PACRG: variants seen among roughly 807,000 people sequenced by gnomAD.
PACRG encodes parkin coregulated.
Under a neutral mutation model 29.7 loss-of-function variants are expected in PACRG, and 29 were observed. That is an observed-to-expected ratio of 0.98 (90% CI 0.73 to 1.33). The LOEUF is 1.33. Ranked by LOEUF, PACRG falls within the 40% of genes most tolerant of loss-of-function variation. The pLI is 0.00. For synonymous variants in PACRG, 116 were observed against 118.7 expected, an observed-to-expected ratio of 0.98 and a Z score of 0.15; for missense variants, 279 against 316.2, an observed-to-expected ratio of 0.88 and a Z score of 0.89.
At chr6:163,027,873 T>C (rs1013862694) in intron 2 of PACRG, among the ~76,000 whole-genome samples, 7 of 152,206 alleles carry the variant, frequency 4.6e-5, no homozygotes, top group African/African-American at 1.7e-4. Flanking sequence ...TGTTTCTGAT[T>C]GGAGAGCATC....
At chr6:163,312,529 G>A (rs1025357402) in intron 4 of PACRG, among the ~76,000 whole-genome samples, 4 of 92,988 alleles carry the variant, frequency 4.3e-5, no homozygotes, top group Non-Finnish European at 5.1e-5. Flanking sequence ...CGGAGCCACC[G>A]GGCTTCATCT....
chr6:163,155,542 G>C (rs1216132131), intron 4 of PACRG, among the ~76,000 whole-genome samples: 2 of 152,220 alleles, frequency 1.3e-5, no homozygotes, highest in Non-Finnish European at 2.9e-5. Flanking sequence ...ACAAACTACT[G>C]ACCTTTTTGT....
chr6:162,820,013 G>T (rs551742619), intron 2 of PACRG, among the ~76,000 whole-genome samples: 1 of 152,082 alleles, frequency 6.6e-6, no homozygotes, highest in Non-Finnish European at 1.5e-5. Flanking sequence ...GGTCTTGAGG[G>T]GGTTGAACTT....
At chr6:162,870,673 C>T (rs1316710427) in intron 2 of PACRG, among the ~76,000 whole-genome samples, 2 of 152,200 alleles carry the variant, frequency 1.3e-5, no homozygotes, top group African/African-American at 4.8e-5. Flanking sequence ...AGAACATATA[C>T]ATTTCTTCTA....
intron 1 of PACRG, among the ~76,000 whole-genome samples, chr6:162,812,908 T>C (rs974042501): frequency 3.9e-5 from 6 of 152,080 alleles, no homozygotes; most frequent in African/African-American, 1.4e-4. Context: ...CAATTACTCA[T>C]ATAATCATAT....
At chr6:162,923,974 A>G (rs1431506959) in intron 2 of PACRG, among the ~76,000 whole-genome samples, 2 of 152,064 alleles carry the variant, frequency 1.3e-5, no homozygotes, top group African/African-American at 2.4e-5. Flanking sequence ...TTTGATTTGT[A>G]TGATCATTTT....
At chr6:163,179,683 G>A (rs1005088878) in intron 4 of PACRG, among the ~76,000 whole-genome samples, 16 of 149,976 alleles carry the variant, frequency 1.1e-4, no homozygotes, top group East Asian at 5.9e-4. Context: ...CACTCCAGCC[G>A]GAGCAAGAGA....
intron 1 of PACRG, among the ~76,000 whole-genome samples, chr6:162,790,363 C>T (rs1325191679): frequency 1.3e-5 from 2 of 152,130 alleles, no homozygotes. Context: ...CCCACCAACC[C>T]TGACTCCTCC....
chr6:162,833,940 G>A (rs60438738), intron 2 of PACRG, among the ~76,000 whole-genome samples: 5,157 of 152,058 alleles, frequency 0.034, 289 homozygotes, highest in African/African-American at 0.12. Context: ...GTGCATTAAC[G>A]TTGTGCAACC....
chr6:163,255,991 G>A (rs891372324), intron 4 of PACRG, among the ~76,000 whole-genome samples: 1 of 152,154 alleles, frequency 6.6e-6, no homozygotes, highest in African/African-American at 2.4e-5. Context: ...TTAAACAGCA[G>A]AATGTATCAC....
chr6:162,892,340 C>T (rs1794827873), intron 2 of PACRG, among the ~76,000 whole-genome samples: 1 of 152,196 alleles, frequency 6.6e-6, no homozygotes. Flanking sequence ...TCCTCCTGGT[C>T]ACACGCTTGA....
At chr6:163,026,133 C>T (rs1807107373) in intron 2 of PACRG, among the ~76,000 whole-genome samples, 1 of 152,162 alleles carries the variant, frequency 6.6e-6, no homozygotes, top group Non-Finnish European at 1.5e-5. Context: ...TCTCATTAAA[C>T]TAACCATTAA....
At position 162,961,898 on chromosome 6, in the gene PACRG, C is replaced by G. The variant is rs79263752; in HGVS notation, c.292-100252C>G. Among the ~76,000 whole-genome samples the G allele has an allele frequency of 3.5e-3, 537 of 151,938 alleles. 5 individuals are homozygous for G. The highest frequency in any genetic ancestry group is 0.02 in the Middle Eastern group (6 of 294). On this transcript the variant is annotated intron_variant, in intron 2 of 4. Coordinates refer to ENST00000366888, the MANE Select transcript of PACRG (RefSeq NM_001080379.2). ...ACCTGAGGCTGTCTGTGAGCTGGCC[C>G]CTACCTACCTCTCTGTCTTTGCTCA... is the stretch of plus-strand genomic sequence containing the variant.
intron 3 of PACRG, among the ~76,000 whole-genome samples, chr6:163,088,450 A>G (rs1170827759): frequency 6.6e-6 from 1 of 152,212 alleles, no homozygotes; most frequent in Non-Finnish European, 1.5e-5. Context: ...ATGATTGAAG[A>G]AACTGGGGCC....
intron 2 of PACRG, among the ~76,000 whole-genome samples, chr6:162,862,593 A>AT (rs1791956022): frequency 1.3e-5 from 2 of 152,248 alleles, no homozygotes; most frequent in Admixed American, 1.3e-4. Flanking sequence ...GAGTATCCAC[A>AT]TATTCCAGAC....
At chr6:163,269,036 G>A (rs748705562) in intron 4 of PACRG, among the ~76,000 whole-genome samples, 65 of 152,214 alleles carry the variant, frequency 4.3e-4, no homozygotes, top group Admixed American at 1.8e-3. Flanking sequence ...AATTGGAAAT[G>A]TCAGTTTTTA....
chr6:162,826,213 G>A (rs946677218), intron 2 of PACRG, among the ~76,000 whole-genome samples: 6 of 152,044 alleles, frequency 3.9e-5, no homozygotes, highest in African/African-American at 1.2e-4. Context: ...AAGCTAATGT[G>A]TATTGCATGA....
chr6:163,005,393 G>C (rs972592565), intron 2 of PACRG, among the ~76,000 whole-genome samples: 13 of 151,898 alleles, frequency 8.6e-5, no homozygotes, highest in Non-Finnish European at 1.2e-4. Context: ...TGAACCTGAG[G>C]TCATTGACTT....
At chr6:163,297,319 T>C (rs1784814164) in intron 4 of PACRG, among the ~76,000 whole-genome samples, 1 of 152,232 alleles carries the variant, frequency 6.6e-6, no homozygotes, top group African/African-American at 2.4e-5. Flanking sequence ...ACGGTTCAGG[T>C]TGCTGGCATG....
Sources: allele counts gnomAD v4.1 joint callset (sites outside exome capture counted in the v4.1 genomes callset), GRCh38; gene constraint gnomAD v4.1.1; transcripts MANE v1.5; gene names NCBI Gene and HGNC (gene_info 2026-07-23, HGNC 2026-07-21).